The following RHBDL2 variants were observed in gnomAD, a reference collection of about 807,000 sequenced individuals.
RHBDL2 encodes the protein rhomboid-related protein 2.
RHBDL2 carries 26 observed loss-of-function variants against 31.7 expected under a neutral mutation model. That is an observed-to-expected ratio of 0.82 (90% CI 0.60 to 1.14). The LOEUF (loss-of-function observed/expected upper bound fraction) is 1.14, where lower values mean the gene tolerates loss of function less well. Ranked by LOEUF, RHBDL2 falls within the 50% of genes most tolerant of loss-of-function variation. The probability of loss-of-function intolerance (pLI) is 0.00; values close to 1 mark genes in which losing one functional copy is unlikely to be tolerated. For missense variants in RHBDL2, 336 were observed against 364.4 expected (o/e 0.92, Z 0.63); for synonymous variants, 123 against 127.2 (o/e 0.97, Z 0.22).
chr1:38,895,571 A>G (rs1642907726), intron 5 of RHBDL2, among the ~76,000 whole-genome samples: 1 of 152,228 alleles, frequency 6.6e-6, no homozygotes, highest in East Asian at 1.9e-4. Context: ...TGGGAGGCCA[A>G]CGTGGGCAGA....
chr1:38,930,963 C>G (rs1643433346), intron 1 of RHBDL2, among the ~76,000 whole-genome samples: 1 of 152,124 alleles, frequency 6.6e-6, no homozygotes, highest in African/African-American at 2.4e-5. Context: ...TGTTGGTCAC[C>G]CTGTCATGGA....
chr1:38,927,144 C>G (rs149389089), intron 1 of RHBDL2, among the ~76,000 whole-genome samples: 17 of 151,812 alleles, frequency 1.1e-4, no homozygotes, highest in African/African-American at 3.6e-4. Context: ...AGCCTTCTAC[C>G]GGGCAGGGCG....
intron 4 of RHBDL2, among the ~76,000 whole-genome samples, chr1:38,907,920 T>G (rs1345660780): frequency 6.6e-6 from 1 of 152,128 alleles, no homozygotes; most frequent in Non-Finnish European, 1.5e-5. Context: ...TCATGTTCTC[T>G]GAAAGACCTT....
chr1:38,920,600 G>T (rs1010553195), intron 1 of RHBDL2, among the ~76,000 whole-genome samples: 3 of 143,842 alleles, frequency 2.1e-5, no homozygotes, highest in Admixed American at 1.4e-4. Context: ...CCCTGTACAA[G>T]TTTTCTCTTT....
chr1:38,924,634 C>T (rs1643353280), intron 1 of RHBDL2, among the ~76,000 whole-genome samples: 1 of 151,880 alleles, frequency 6.6e-6, no homozygotes, highest in South Asian at 2.1e-4. Context: ...TTTGCTACTT[C>T]CTGACTTTGC....
chr1:38,907,333 A>C (rs1163910243), intron 4 of RHBDL2, among the ~76,000 whole-genome samples: 1 of 151,888 alleles, frequency 6.6e-6, no homozygotes, highest in African/African-American at 2.4e-5. Flanking sequence ...TGAGGTCAGG[A>C]GTTCGAGACC....
intron 4 of RHBDL2, among the ~76,000 whole-genome samples, chr1:38,903,000 T>C (rs1318656527): frequency 2.6e-5 from 4 of 152,194 alleles, no homozygotes; most frequent in African/African-American, 9.6e-5. Context: ...CATAATAATC[T>C]ATGTAGAAAA....
rs377738267 is a variant in RHBDL2, at chr1:38,924,588, C to T, written c.-125-5251G>A. On this transcript the variant is annotated intron_variant, in intron 1 of 7. Transcript: ENST00000372990. ...CAGCCTGGGCGACAGAGCAAGACTC[C>T]GTCTCAAAAAAAAAACAAGGAAACA... Among the ~76,000 whole-genome samples, 17 of 151,124 alleles carry T rather than the reference C, an allele frequency of 1.1e-4. No homozygotes were observed. The East Asian group carries it at 2.2e-3, about 19-fold the overall frequency.
intron 4 of RHBDL2, among the ~76,000 whole-genome samples, chr1:38,896,971 T>A (rs1642925951): frequency 6.6e-6 from 1 of 152,178 alleles, no homozygotes; most frequent in Admixed American, 6.5e-5. Flanking sequence ...AAGTACAGAA[T>A]ATAACAACTA....
At chr1:38,918,393 A>C (rs1643266396) in intron 2 of RHBDL2, among the ~76,000 whole-genome samples, 1 of 152,146 alleles carries the variant, frequency 6.6e-6, no homozygotes, top group South Asian at 2.1e-4. Context: ...GGGGAGCCTC[A>C]TCCTGGCCCA....
At chr1:38,929,417 G>A (rs1035820116) in intron 1 of RHBDL2, 111 of 1,289,318 alleles carry the variant, frequency 8.6e-5, no homozygotes, top group Non-Finnish European at 1.1e-4. Context: ...GCCTCACCCA[G>A]GAAGGCCCTG....
intron 1 of RHBDL2, among the ~76,000 whole-genome samples, chr1:38,938,641 T>G (rs948848381): frequency 6.6e-6 from 1 of 152,124 alleles, no homozygotes; most frequent in Admixed American, 6.6e-5. Flanking sequence ...GAAAAGAAAA[T>G]TTTTTAATTA....
chr1:38,911,308 C>T lies in RHBDL2; in HGVS notation c.508+14G>A. Reference sequence around the variant, plus strand: ...CCCAGAGGTATTGATTCTGTGTTACCTCAGAACACTGACCTGCAATCACTC... The same window carrying T: ...CCCAGAGGTATTGATTCTGTGTTACTTCAGAACACTGACCTGCAATCACTC... On this transcript the variant is annotated intron_variant, in intron 4 of 7. Coordinates refer to ENST00000372990, the MANE Select transcript of RHBDL2 (RefSeq NM_017821.5). 10 of 1,547,388 alleles carry T rather than the reference C, an allele frequency of 6.5e-6. No individual in the cohort carries two copies. Among genetic ancestry groups the T allele is most frequent in the Non-Finnish European group, 7.1e-6 (8 of 1,119,466 alleles).
At chr1:38,907,574 A>T (rs1171371703) in intron 4 of RHBDL2, among the ~76,000 whole-genome samples, 3 of 147,826 alleles carry the variant, frequency 2.0e-5, no homozygotes, top group Non-Finnish European at 4.5e-5. Context: ...AAAGAAAAAA[A>T]GTAAAGCATA....
Position 38,902,247 on chromosome 1 carries a change from CCAGGCTGGAACGCAGTGGCATGATCA to C in RHBDL2, c.509-6204_509-6179del, listed in dbSNP as rs565623943. 2.3e-3 allele frequency among the ~76,000 whole-genome samples: 311 copies of C among 133,066 alleles called. 1 individual carries two copies. Among genetic ancestry groups the C allele is most frequent in the African/African-American group, 8.0e-3 (296 of 36,818 alleles). The allele number at this position is 133,066 out of a possible 152,430, so 87.3% of individuals were successfully genotyped here. On this transcript the variant is annotated intron_variant, in intron 4 of 7. Transcript: ENST00000372990. ...TTGAGACAGAGTCTCACTCTGTCGCCCAGGCTGGAACGCAGTGGCATGATCACAGCTCACTGCAGCCTCGACTTCCT... is the reference window on the plus strand; with the variant it reads ...TTGAGACAGAGTCTCACTCTGTCGCCCAGCTCACTGCAGCCTCGACTTCCT...
In RHBDL2 at chr1:38,922,416, C is replaced by A. The variant is rs546274362; in HGVS notation, c.-125-3079G>T. Among the ~76,000 whole-genome samples the A allele has an allele frequency of 4.5e-4, 35 of 78,200 alleles. 1 individual carries two copies. The highest frequency in any genetic ancestry group is 1.7e-3 in the African/African-American group (30 of 17,206). 51.3% of individuals were successfully genotyped at this position (78,200 alleles called of 152,430 possible). ...CCAAGTAGCTGGGACTGCAAGCACACACACCACCATACCCAGCTATTTTTT... is the reference window on the plus strand; with the variant it reads ...CCAAGTAGCTGGGACTGCAAGCACAAACACCACCATACCCAGCTATTTTTT... On this transcript the variant is annotated intron_variant, in intron 1 of 7. Transcript: ENST00000372990.
At chr1:38,905,400 G>A (rs565590124) in intron 4 of RHBDL2, among the ~76,000 whole-genome samples, 17 of 151,408 alleles carry the variant, frequency 1.1e-4, no homozygotes, top group East Asian at 8.0e-4. Context: ...GACTCTGCTC[G>A]ATAGATTTCT....
Position 38,896,148 on chromosome 1 carries a change from T to C in RHBDL2, c.509-79A>G, listed in dbSNP as rs998459196. ...AAATCTTTCTAATCTAAGGTAGACA[T>C]TTGGGAAGTCTGGTCTATTATCACA... On this transcript the variant is annotated intron_variant, in intron 4 of 7. Coordinates refer to ENST00000372990, the MANE Select transcript of RHBDL2 (RefSeq NM_017821.5). 19 of 1,117,046 alleles carry C rather than the reference T, an allele frequency of 1.7e-5. No individual in the cohort carries two copies. In the African/African-American group the frequency reaches 2.3e-4, roughly 14 times the overall value. 69.2% of individuals were successfully genotyped at this position (1,117,046 alleles called of 1,614,324 possible).
chr1:38,892,785 A>G (rs1445360716), intron 6 of RHBDL2, among the ~76,000 whole-genome samples: 1 of 152,210 alleles, frequency 6.6e-6, no homozygotes, highest in Non-Finnish European at 1.5e-5. Context: ...TGAATTCTCC[A>G]CAAGCCCAGC....
Sources: allele counts gnomAD v4.1 joint callset (sites outside exome capture counted in the v4.1 genomes callset), GRCh38; gene constraint gnomAD v4.1.1; transcripts MANE v1.5; gene names NCBI Gene and HGNC (gene_info 2026-07-23, HGNC 2026-07-21).